The following DHCR24 variants were observed in gnomAD, a reference collection of about 807,000 sequenced individuals.
DHCR24 encodes delta(24)-sterol reductase.
A neutral mutation model predicts 61.2 loss-of-function variants in DHCR24; 28 were observed. The ratio of observed to expected loss-of-function variants is 0.46; its 90% CI spans 0.34 to 0.63. The LOEUF (loss-of-function observed/expected upper bound fraction) is 0.63. DHCR24 is among the 20% of genes least tolerant of loss of function. DHCR24 has a pLI of 0.01. For synonymous variants in DHCR24, 261 were observed against 275.9 expected, an observed-to-expected ratio of 0.95 and a Z score of 0.54; for missense variants, 538 against 679.1, an observed-to-expected ratio of 0.79 and a Z score of 2.31.
At chr1:54,878,233 T>C (rs1366945151) in intron 2 of DHCR24, among the ~76,000 whole-genome samples, 2 of 151,766 alleles carry the variant, frequency 1.3e-5, no homozygotes, top group African/African-American at 4.8e-5. Flanking sequence ...AGGCTAGGCA[T>C]GGTGGCTCAT....
intron 6 of DHCR24, among the ~76,000 whole-genome samples, chr1:54,860,946 C>A (rs978903116): frequency 2.0e-4 from 31 of 151,882 alleles, no homozygotes; most frequent in African/African-American, 7.5e-4. Context: ...CGAGATCCAG[C>A]CACTGCACCC....
chr1:54,883,652 A>G lies in DHCR24; in HGVS notation c.353T>C (p.Leu118Pro). 1 of 1,614,212 alleles carries G rather than the reference A, an allele frequency of 6.2e-7. No homozygotes were observed. The highest frequency in any genetic ancestry group is 8.5e-7 in the Non-Finnish European group (1 of 1,180,042). ...KKTHKNIMIN[L>P]MDILEVDTKK... ...GGTGTCCACTTCCAGAATGTCCATC[A>G]GGTTGATCATGATGTTTTTGTGTGT... The change falls in exon 2 of 9, where the codon CTG becomes CCG. Residue 118 changes from leucine to proline, a missense_variant. By Grantham distance (98) the Leu-to-Pro change is moderately conservative (BLOSUM62 -3). Coordinates refer to ENST00000371269, the MANE Select transcript of DHCR24 (RefSeq NM_014762.4). This position sits in a 1 kb window ranked among gnomAD's most constrained non-coding sequence, Gnocchi z 4.3.
chr1:54,865,540 T>C, intron 5 of DHCR24, 94 bp from the exon 6 acceptor site: 2 of 1,550,288 alleles, frequency 1.3e-6, no homozygotes, highest in Non-Finnish European at 1.8e-6. Context: ...TCAGCACTCC[T>C]GGCCTTTTCA....
intron 6 of DHCR24, among the ~76,000 whole-genome samples, chr1:54,863,405 C>T (rs1390354583): frequency 6.6e-6 from 1 of 152,210 alleles, no homozygotes; most frequent in African/African-American, 2.4e-5. Context: ...TCCTAACCTA[C>T]AAGGAGCCAT....
intron 4 of DHCR24, among the ~76,000 whole-genome samples, chr1:54,872,444 C>T (rs1203000867): frequency 6.6e-6 from 1 of 152,084 alleles, no homozygotes; most frequent in African/African-American, 2.4e-5. Flanking sequence ...CAGCCCTGTG[C>T]AGTCTCCACA....
rs76707339 is a variant in DHCR24, at chr1:54,879,579, C to G, written c.388-3532G>C. Among the ~76,000 whole-genome samples the G allele has an allele frequency of 3.9e-3, 591 of 152,150 alleles. 3 individuals are homozygous for G. The highest frequency in any genetic ancestry group is 0.013 in the African/African-American group (541 of 41,508). On this transcript the variant is annotated intron_variant, in intron 2 of 8. Transcript: ENST00000371269. ...TTGAAATGGCCTAGCTGTCTCTAAA[C>G]TAGATGAGAAAAAGGAGGGGACAGA...
chr1:54,867,386 C>A (rs1323083849), intron 5 of DHCR24, among the ~76,000 whole-genome samples: 1 of 152,186 alleles, frequency 6.6e-6, no homozygotes, highest in Non-Finnish European at 1.5e-5. Context: ...CACCACTCTG[C>A]CCCAGCCCTG....
chr1:54,877,256 T>A (rs589244), intron 2 of DHCR24, among the ~76,000 whole-genome samples: 79,206 of 151,450 alleles, frequency 0.52, 21,962 homozygotes, highest in South Asian at 0.72. Flanking sequence ...CAAAAGCATA[T>A]CTCATTTTCT....
In DHCR24 at chr1:54,883,384, C is replaced by T. The variant is rs980465373; in HGVS notation, c.387+234G>A. Reference sequence around the variant, plus strand: ...CTCTCATTTTTGCTCACGAATTCCCCATTCCTGACTTCCTGTGGAAACGCA... The same window carrying T: ...CTCTCATTTTTGCTCACGAATTCCCTATTCCTGACTTCCTGTGGAAACGCA... On this transcript the variant is annotated intron_variant, in intron 2 of 8. Coordinates refer to ENST00000371269, the MANE Select transcript of DHCR24 (RefSeq NM_014762.4). The surrounding 1 kb of genome is among the most constrained non-coding windows in gnomAD (Gnocchi z 4.3). 3.9e-5 allele frequency among the ~76,000 whole-genome samples: 6 copies of T among 152,182 alleles called. No individual in the cohort carries two copies. Among genetic ancestry groups the T allele is most frequent in the African/African-American group, 1.4e-4 (6 of 41,432 alleles).
intron 5 of DHCR24, among the ~76,000 whole-genome samples, chr1:54,869,584 C>CAT (rs112977480): frequency 5.6e-4 from 55 of 98,532 alleles, no homozygotes; most frequent in Non-Finnish European, 1.0e-3. Flanking sequence ...TGCACACATA[C>CAT]ATATACACAC....
Position 54,852,358 on chromosome 1 carries a change from T to G in DHCR24, c.1426A>C (p.Met476Leu). 3 of 1,614,158 alleles carry G rather than the reference T, an allele frequency of 1.9e-6. No individual in the cohort carries two copies. The highest frequency in any genetic ancestry group is 8.5e-7 in the Non-Finnish European group (1 of 1,180,046). ...GFQMLYADCYMNREEFWEMFD... is the reference protein window; with the variant it reads ...GFQMLYADCYLNREEFWEMFD... ...ATCTCCCAGAACTCCTCCCGGTTCA[T>G]GTAGCAGTCGGCATACAGCATCTGG... The change falls in exon 9 of 9, where the codon ATG becomes CTG. Residue 476 changes from methionine to leucine, a missense_variant. Physicochemically the swap from Met to Leu is conservative, Grantham distance 15 (BLOSUM62 2). Coordinates refer to ENST00000371269, the MANE Select transcript of DHCR24 (RefSeq NM_014762.4).
Position 54,883,908 on chromosome 1 carries a change from T to G in DHCR24, c.232-135A>C, listed in dbSNP as rs75717480. On this transcript the variant is annotated intron_variant, in intron 1 of 8. Transcript: ENST00000371269. The surrounding 1 kb of genome is among the most constrained non-coding windows in gnomAD (Gnocchi z 4.3). ...GGAGAAACAGAACAATGAAAAGGCC[T>G]GCTGGCCCTACCCTCTGGCACCTCC... 1.7e-3 allele frequency: 2,156 copies of G among 1,254,466 alleles called. 26 individuals carry two copies. The African/African-American group carries it at 0.027, about 16-fold the overall frequency. The allele number at this position is 1,254,466 out of a possible 1,614,324, so 77.7% of individuals were successfully genotyped here. A position where few individuals can be genotyped will look rare whatever the true frequency, so the allele number is the denominator to read the frequency against.
In DHCR24 at chr1:54,852,140, T is replaced by C. The variant is rs1047304264; in HGVS notation, c.*93A>G. ...GTGGGAGTTCTGGAGGGGTTTCTCTTTGAAAGTGTGGATCTAGGAAAGCAG... is the reference window on the plus strand; with the variant it reads ...GTGGGAGTTCTGGAGGGGTTTCTCTCTGAAAGTGTGGATCTAGGAAAGCAG... On this transcript the variant is annotated 3_prime_UTR_variant, in exon 9 of 9. Coordinates refer to ENST00000371269, the MANE Select transcript of DHCR24 (RefSeq NM_014762.4). 2 of 1,526,946 alleles carry C rather than the reference T, an allele frequency of 1.3e-6. No homozygotes were observed. Among genetic ancestry groups the C allele is most frequent in the Admixed American group, 1.7e-5 (1 of 57,478 alleles). 94.6% of individuals were successfully genotyped at this position (1,526,946 alleles called of 1,614,324 possible).
chr1:54,872,921 C>T (rs994326969), intron 4 of DHCR24, among the ~76,000 whole-genome samples: 1 of 152,122 alleles, frequency 6.6e-6, no homozygotes, highest in African/African-American at 2.4e-5. Flanking sequence ...GTGAAGGAGT[C>T]GGGTGGCTCC....
chr1:54,877,863 T>G (rs995095565), intron 2 of DHCR24, among the ~76,000 whole-genome samples: 3 of 151,604 alleles, frequency 2.0e-5, no homozygotes, highest in African/African-American at 7.3e-5. Context: ...TACAAAAAAT[T>G]AGCTGGGTGT....
At chr1:54,885,957 C>G (rs975788558) in intron 1 of DHCR24, among the ~76,000 whole-genome samples, 1 of 152,198 alleles carries the variant, frequency 6.6e-6, no homozygotes, top group Non-Finnish European at 1.5e-5. Flanking sequence ...GTTCTCCCAC[C>G]AGGCCCCAGG....
chr1:54,867,254 C>G (rs901406033), intron 5 of DHCR24, among the ~76,000 whole-genome samples: 2 of 152,210 alleles, frequency 1.3e-5, no homozygotes, highest in African/African-American at 4.8e-5. Flanking sequence ...TTACACGGGG[C>G]AGTGCCTGCA....
chr1:54,878,494 A>G (rs557559801), intron 2 of DHCR24, among the ~76,000 whole-genome samples: 2 of 126,084 alleles, frequency 1.6e-5, no homozygotes, highest in African/African-American at 6.0e-5. Flanking sequence ...AGCCTGGGCA[A>G]CAAGAGTGAA....
chr1:54,853,310 G>T, intron 8 of DHCR24, 124 bp downstream of exon 8: 2 of 1,239,890 alleles, frequency 1.6e-6, no homozygotes, highest in Non-Finnish European at 1.2e-6. Flanking sequence ...CAGCTGCAGG[G>T]GCCCTAAGGA....
Sources: gnomAD v4.1 joint callset for allele counts (sites outside exome capture counted in the v4.1 genomes callset) on GRCh38, gnomAD v4.1.1 for gene constraint, Gnocchi (gnomAD v3.1) non-coding constraint, MANE v1.5 for transcripts, NCBI Gene and HGNC (gene_info 2026-07-23, HGNC 2026-07-21) for gene names.